Variants in SNAPC5 observed in about 807,000 individuals in gnomAD.
The protein encoded by SNAPC5 is small nuclear RNA activating complex polypeptide 5.
A neutral mutation model predicts 9.1 loss-of-function variants in SNAPC5; 12 were observed. The ratio of observed to expected loss-of-function variants is 1.32; its 90% CI spans 0.85 to 2.15. The LOEUF (loss-of-function observed/expected upper bound fraction) is 2.15, where lower values mean the gene tolerates loss of function less well. Among genes scored for constraint, SNAPC5 ranks in the 30% most tolerant of loss-of-function variants. The pLI is 0.00. For missense variants in SNAPC5, 132 were observed against 114.4 expected, an observed-to-expected ratio of 1.15 and a Z score of -0.70; for synonymous variants, 52 against 47.3, an observed-to-expected ratio of 1.10 and a Z score of -0.41.
At chr15:66,494,892 T>A (rs188344204) in intron 2 of SNAPC5, 1 of 313,390 alleles carries the variant, frequency 3.2e-6, no homozygotes, top group East Asian at 7.1e-5. Flanking sequence ...ACTTAGATTT[T>A]GCTGACTTAC....
intron 1 of SNAPC5, 58 bp from the exon 2 acceptor site, chr15:66,495,477 G>T: frequency 1.1e-6 from 1 of 928,900 alleles, no homozygotes; most frequent in Non-Finnish European, 1.8e-6. Flanking sequence ...TACTGATGTG[G>T]GTAAACTGCT....
chr15:66,490,002 A>G (rs1042488731), downstream of SNAPC5: 8 of 596,912 alleles, frequency 1.3e-5, no homozygotes, highest in African/African-American at 1.3e-4. Flanking sequence ...TGAGGGGGCC[A>G]TGGGAAAGAA....
At chr15:66,495,126 CTTAA>C (rs751039498) in intron 2 of SNAPC5, 200 bp downstream of exon 2, 3 of 582,064 alleles carry the variant, frequency 5.2e-6, no homozygotes, top group Admixed American at 2.9e-5. Context: ...TTAGTAACTA[CTTAA>C]TTAATTAGTG....
chr15:66,492,967 T>C (rs1218602118), downstream of SNAPC5, among the ~76,000 whole-genome samples: 4 of 152,322 alleles, frequency 2.6e-5, no homozygotes, highest in Non-Finnish European at 5.9e-5. Context: ...TTAAAACTCA[T>C]GCTCATATTT....
intron 2 of SNAPC5, 31 bp from the exon 3 acceptor site, chr15:66,494,583 A>G: frequency 6.7e-7 from 1 of 1,502,774 alleles, no homozygotes; most frequent in Non-Finnish European, 9.2e-7. Context: ...ACAGATTAGC[A>G]GGAAAGATGC....
intron 1 of SNAPC5, among the ~76,000 whole-genome samples, chr15:66,496,580 G>C (rs920280397): frequency 6.6e-6 from 1 of 150,642 alleles, no homozygotes; most frequent in African/African-American, 2.4e-5. Context: ...CTGGAGTGCA[G>C]TGGCACAATC....
chr15:66,497,679 A>G lies in SNAPC5; in HGVS notation c.53T>C (p.Leu18Ser). ...LRKEEETLLR[L>S]KAALHDQLNR... ...CAGCTGGTCGTGCAGGGCTGCCTTC[A>G]ACCGCAGCAGCGTCTCCTCCTCCTT... Residue 18 changes from leucine to serine, a missense_variant, in exon 1 of 3, where the codon TTG (leucine) becomes TCG (serine). Physicochemically the swap from Leu to Ser is moderately radical, Grantham distance 145. Coordinates refer to ENST00000316634, the MANE Select transcript of SNAPC5 (RefSeq NM_001329615.2). 6.2e-7 allele frequency: 1 copy of G among 1,613,942 alleles called. No homozygotes were observed. The highest frequency in any genetic ancestry group is 8.5e-7 in the Non-Finnish European group (1 of 1,180,004).
chr15:66,495,983 G>C (rs1893418778), intron 1 of SNAPC5, among the ~76,000 whole-genome samples: 1 of 152,166 alleles, frequency 6.6e-6, no homozygotes. Flanking sequence ...AGCACTTTGG[G>C]AGGCTGAGGC....
intron 1 of SNAPC5, 112 bp downstream of exon 1, chr15:66,497,530 A>T: frequency 1.1e-6 from 1 of 910,520 alleles, no homozygotes; most frequent in Non-Finnish European, 1.9e-6. Flanking sequence ...CACCACAGCT[A>T]GTGAGTAGCG....
chr15:66,495,356 G>T lies in SNAPC5; in HGVS notation c.154C>A (p.His52Asn). Residue 52 changes from histidine (H) to asparagine (N), a missense_variant, in exon 2 of 3, where the codon CAC (histidine) becomes AAC (asparagine). Coordinates refer to ENST00000316634, the MANE Select transcript of SNAPC5 (RefSeq NM_001329615.2). ...SRRGDEMLSS[H>N]TVPEQSHDML... is the part of the protein sequence containing the mutation. ...TCATGTGACTGTTCAGGTACAGTGT[G>T]AGAAGACAGCATCTCATCCCCTCTT... 6.2e-7 allele frequency: 1 copy of T among 1,603,932 alleles called. No homozygotes were observed. The highest frequency in any genetic ancestry group is 8.5e-7 in the Non-Finnish European group (1 of 1,170,614).
intron 1 of SNAPC5, 141 bp from the exon 2 acceptor site, chr15:66,495,560 G>C (rs1893400159): frequency 3.2e-6 from 2 of 624,508 alleles, no homozygotes; most frequent in African/African-American, 3.6e-5. Context: ...AGGGAAAGTT[G>C]AGGGGGTAGG....
chr15:66,493,557 G>A lies in SNAPC5; in HGVS notation c.*879C>T, dbSNP rs1379057014. The A allele has an allele frequency of 6.6e-6, 1 of 152,192 alleles. No individual in the cohort carries two copies. Among genetic ancestry groups the A allele is most frequent in the Non-Finnish European group, 1.5e-5 (1 of 68,060 alleles). The allele number at this position is 152,192 out of a possible 1,614,324, so 9.4% of individuals were successfully genotyped here. On this transcript the variant is annotated 3_prime_UTR_variant, in exon 3 of 3. Transcript: ENST00000316634. ...TAATCCTAGCTACTCTGGAGGCTGA[G>A]GCAGAAGAATCACTTGAACCCGAGA...
At chr15:66,492,587 T>C (rs1204764388), downstream of SNAPC5, among the ~76,000 whole-genome samples, 1 of 152,220 alleles carries the variant, frequency 6.6e-6, no homozygotes, top group Non-Finnish European at 1.5e-5. Context: ...GAATGTTTCA[T>C]TAAAATGAGA....
intron 1 of SNAPC5, 48 bp downstream of exon 1, chr15:66,497,594 G>A (rs757966742): frequency 3.9e-6 from 6 of 1,552,762 alleles, no homozygotes; most frequent in Non-Finnish European, 2.7e-6. Flanking sequence ...GGGGGAAATG[G>A]TCGCTCGGGA....
chr15:66,494,575 A>G, intron 2 of SNAPC5, 23 bp from the exon 3 acceptor site: 1 of 1,544,708 alleles, frequency 6.5e-7, no homozygotes, highest in East Asian at 2.3e-5. Context: ...AGGGCATCAC[A>G]GATTAGCAGG....
downstream of SNAPC5, chr15:66,490,667 C>A (rs372452427): frequency 2.2e-6 from 3 of 1,357,124 alleles, no homozygotes; most frequent in Non-Finnish European, 3.2e-6. Flanking sequence ...TTTGCCATGT[C>A]GCTTTTGGGC....
At chr15:66,490,986 A>G, downstream of SNAPC5, 1 of 432,300 alleles carries the variant, frequency 2.3e-6, no homozygotes, top group East Asian at 4.1e-5. Context: ...ATTCTTTGAC[A>G]TTTGGTGGTA....
downstream of SNAPC5, chr15:66,489,761 A>G (rs1009731985): frequency 2.5e-6 from 4 of 1,612,958 alleles, no homozygotes; most frequent in African/African-American, 2.7e-5. Flanking sequence ...GAAGCAACTC[A>G]TGGTGAGTCT....
chr15:66,492,078 A>G (rs1363011410), downstream of SNAPC5: 5 of 456,036 alleles, frequency 1.1e-5, no homozygotes, highest in Admixed American at 1.2e-4. Flanking sequence ...CCCTTCTTTC[A>G]CCACTTACAC....
Sources: gnomAD v4.1 joint callset for allele counts (sites outside exome capture counted in the v4.1 genomes callset) on GRCh38, gnomAD v4.1.1 for gene constraint, MANE v1.5 for transcripts, NCBI Gene and HGNC (gene_info 2026-07-23, HGNC 2026-07-21) for gene names.